SLC22A23: variants seen among roughly 807,000 people sequenced by gnomAD.
SLC22A23 encodes ion transporter protein.
SLC22A23 carries 26 observed loss-of-function variants against 61.0 expected under a neutral mutation model. That is an observed-to-expected ratio of 0.43 (90% CI 0.31 to 0.59). The LOEUF is 0.59. Among genes scored for constraint, SLC22A23 ranks in the 20% least tolerant of loss-of-function variants. The probability of loss-of-function intolerance (pLI) is 0.11; values close to 1 mark genes in which losing one functional copy is unlikely to be tolerated. For missense variants in SLC22A23, 796 were observed against 934.7 expected, an observed-to-expected ratio of 0.85 and a Z score of 1.94; for synonymous variants, 430 against 413.9, an observed-to-expected ratio of 1.04 and a Z score of -0.47.
chr6:3,446,291 T>C (rs973785133), intron 1 of SLC22A23, among the ~76,000 whole-genome samples: 1 of 152,162 alleles, frequency 6.6e-6, no homozygotes, highest in African/African-American at 2.4e-5. Flanking sequence ...GTTGGTGGCT[T>C]TGGACAAGCC....
chr6:3,419,934 G>C (rs755417040), intron 1 of SLC22A23, among the ~76,000 whole-genome samples: 1 of 152,140 alleles, frequency 6.6e-6, no homozygotes, highest in Admixed American at 6.5e-5. Context: ...TAATACAAGA[G>C]TCTCTCTGCA....
At position 3,427,608 on chromosome 6, in the gene SLC22A23, C is replaced by T. The variant is rs116384263; in HGVS notation, c.655-11753G>A. Among the ~76,000 whole-genome samples the T allele has an allele frequency of 1.0e-3, 156 of 152,222 alleles. No homozygotes were observed. The highest frequency in any genetic ancestry group is 1.8e-3 in the Non-Finnish European group (119 of 68,000). The stretch of plus-strand genomic sequence containing the variant: ...TCTACCGTGCTTTCAGGTCCTCCCA[C>T]CACCTCTCAGGATGCCGTGCCCTTC... On this transcript the variant is annotated intron_variant, in intron 1 of 9. Transcript: ENST00000406686. This position sits in a 1 kb window ranked among gnomAD's most constrained non-coding sequence, Gnocchi z 4.3.
At chr6:3,438,819 T>C (rs879920121) in intron 1 of SLC22A23, among the ~76,000 whole-genome samples, 3 of 152,228 alleles carry the variant, frequency 2.0e-5, no homozygotes, top group Non-Finnish European at 4.4e-5. Context: ...CTGAGCTTTG[T>C]TTATTCCATA....
intron 4 of SLC22A23, chr6:3,323,246 C>T (rs1193161800): frequency 4.4e-6 from 2 of 456,368 alleles, no homozygotes; most frequent in Non-Finnish European, 4.4e-6. Context: ...TAAATATTTT[C>T]AGCTTTATAC....
chr6:3,422,036 G>A (rs892290150), intron 1 of SLC22A23, among the ~76,000 whole-genome samples: 11 of 152,256 alleles, frequency 7.2e-5, no homozygotes, highest in Admixed American at 4.6e-4. Context: ...AGCAAACCAC[G>A]AGGGTTTTAC....
In SLC22A23 at chr6:3,446,832, C is replaced by G. The variant is rs117912484; in HGVS notation, c.654+9074G>C. Among the ~76,000 whole-genome samples the G allele has an allele frequency of 5.3e-3, 811 of 152,326 alleles. 28 individuals carry two copies. In the East Asian group the frequency reaches 0.073, roughly 14 times the overall value. On this transcript the variant is annotated intron_variant, in intron 1 of 9. Transcript: ENST00000406686. ...CCAGGCCCTCGTCTCACTCCACATG[C>G]CCTCCATTGAAGCCCTCCATTCCCA...
rs10642564 is a variant in SLC22A23, at chr6:3,279,509, C to CAAA, written c.1703+4340_1703+4342dup. On this transcript the variant is annotated intron_variant, in intron 9 of 9. Transcript: ENST00000406686. ...CTGGCAACAGAGCAAGGCTCCGTCT[C>CAAA]AAAAAAAAAAAAAAAAAAAAAAAAA... Among the ~76,000 whole-genome samples, 161 of 36,010 alleles carry CAAA rather than the reference C, an allele frequency of 4.5e-3. 17 individuals are homozygous for CAAA. The highest frequency in any genetic ancestry group is 7.7e-3 in the African/African-American group (105 of 13,638). The allele number at this position is 36,010 out of a possible 152,430, so 23.6% of individuals were successfully genotyped here.
chr6:3,269,085 C>T lies in SLC22A23; in HGVS notation c.*3970G>A, dbSNP rs1414615057. On this transcript the variant is annotated 3_prime_UTR_variant, in exon 10 of 10. Coordinates refer to ENST00000406686, the MANE Select transcript of SLC22A23 (RefSeq NM_015482.2). ...TCACAGAATCACAGTGTAAGATATT[C>T]ATTTCTTGACGTCTCTAGGAACCTT... 1 of 152,316 alleles carries T rather than the reference C, an allele frequency of 6.6e-6. No individual in the cohort carries two copies. The highest frequency in any genetic ancestry group is 1.5e-5 in the Non-Finnish European group (1 of 68,034). The allele number at this position is 152,316 out of a possible 1,614,324, so 9.4% of individuals were successfully genotyped here. A position where few individuals can be genotyped will look rare whatever the true frequency, so the allele number is the denominator to read the frequency against.
intron 1 of SLC22A23, among the ~76,000 whole-genome samples, chr6:3,432,549 T>A (rs1770936771): frequency 6.6e-6 from 1 of 152,172 alleles, no homozygotes; most frequent in Non-Finnish European, 1.5e-5. Flanking sequence ...AAATGCATCA[T>A]TTATGCAGAA....
rs1401544929 is a variant in SLC22A23 at position 3,390,043 on chromosome 6, T to C, written c.913+20145A>G. ...TTGCATTTCAAAAAAAGGCCTGGTT[T>C]GGGATGAAATGAACAGAGTTCTCCT... On this transcript the variant is annotated intron_variant, in intron 3 of 9. Transcript: ENST00000406686. The surrounding 1 kb of genome is among the most constrained non-coding windows in gnomAD (Gnocchi z 4.0). 3.3e-5 allele frequency among the ~76,000 whole-genome samples: 5 copies of C among 152,162 alleles called. No individual in the cohort carries two copies. Among genetic ancestry groups the C allele is most frequent in the Non-Finnish European group, 7.4e-5 (5 of 68,020 alleles).
chr6:3,296,028 G>A (rs1331146345), intron 5 of SLC22A23, among the ~76,000 whole-genome samples: 1 of 152,240 alleles, frequency 6.6e-6, no homozygotes, highest in Admixed American at 6.5e-5. Flanking sequence ...ATGAATCAGT[G>A]TAATTAGGAT....
intron 4 of SLC22A23, among the ~76,000 whole-genome samples, chr6:3,319,077 A>C (rs938069285): frequency 2.6e-5 from 4 of 152,238 alleles, no homozygotes; most frequent in African/African-American, 9.6e-5. Flanking sequence ...CGAAGCAGAC[A>C]GATGGGTCCT....
In SLC22A23 at chr6:3,297,798, G is replaced by A. The variant is rs994546444; in HGVS notation, c.1210+293C>T. ...GACCTGGCAGGCAGGTAGGCTATGGGCCAGACAGCCAGATATTCCCTTGAG... is the reference window on the plus strand; with the variant it reads ...GACCTGGCAGGCAGGTAGGCTATGGACCAGACAGCCAGATATTCCCTTGAG... On this transcript the variant is annotated intron_variant, in intron 5 of 9. Transcript: ENST00000406686. The surrounding 1 kb of genome is among the most constrained non-coding windows in gnomAD (Gnocchi z 4.3). 1.3e-5 allele frequency among the ~76,000 whole-genome samples: 2 copies of A among 152,190 alleles called. No individual in the cohort carries two copies. The highest frequency in any genetic ancestry group is 4.8e-5 in the African/African-American group (2 of 41,446).
chr6:3,397,860 G>T (rs752426777), intron 3 of SLC22A23, among the ~76,000 whole-genome samples: 1 of 152,130 alleles, frequency 6.6e-6, no homozygotes, highest in Non-Finnish European at 1.5e-5. Flanking sequence ...TTTCTAAAAA[G>T]AGGTAAGGGA....
chr6:3,300,400 C>A (rs775358992), intron 4 of SLC22A23, among the ~76,000 whole-genome samples: 5 of 152,106 alleles, frequency 3.3e-5, no homozygotes, highest in African/African-American at 4.8e-5. Flanking sequence ...GGAAACTAAA[C>A]CCCAATGTGA....
intron 3 of SLC22A23, among the ~76,000 whole-genome samples, chr6:3,381,672 T>C (rs559711766): frequency 1.3e-5 from 2 of 152,254 alleles, no homozygotes; most frequent in South Asian, 2.1e-4. Flanking sequence ...TTACCATCTG[T>C]GCGAGGGGGA....
chr6:3,279,239 G>C (rs1759193535), intron 9 of SLC22A23, among the ~76,000 whole-genome samples: 1 of 151,786 alleles, frequency 6.6e-6, no homozygotes, highest in Non-Finnish European at 1.5e-5. Flanking sequence ...GGCCGGGCAT[G>C]GTGGCTCATG....
chr6:3,441,422 C>T (rs1357474864), intron 1 of SLC22A23, among the ~76,000 whole-genome samples: 1 of 152,130 alleles, frequency 6.6e-6, no homozygotes, highest in Non-Finnish European at 1.5e-5. Context: ...TGTAGGGGGG[C>T]CTTGCAGGGT....
At position 3,455,939 on chromosome 6, in the gene SLC22A23, G is replaced by A. The variant is rs2127562385; in HGVS notation, c.621C>T (p.Ile207=). The change falls in exon 1 of 10, where the codon ATC becomes ATT. Residue 207 remains isoleucine, a synonymous_variant. Transcript: ENST00000406686. The part of the protein sequence containing the change: ...NCDCRAWDYG[I]RAGLVQNVVS... The stretch of plus-strand genomic sequence containing the variant: ...CCACGTTCTGGACGAGGCCGGCGCG[G>A]ATGCCGTAGTCCCATGCGCGGCAGT... 1 of 1,524,056 alleles carries A rather than the reference G, an allele frequency of 6.6e-7. No individual in the cohort carries two copies. Among genetic ancestry groups the A allele is most frequent in the Non-Finnish European group, 8.9e-7 (1 of 1,129,212 alleles). 94.4% of individuals were successfully genotyped at this position (1,524,056 alleles called of 1,614,324 possible).
Sources: gnomAD v4.1 joint callset for allele counts (sites outside exome capture counted in the v4.1 genomes callset) on GRCh38, gnomAD v4.1.1 for gene constraint, Gnocchi (gnomAD v3.1) non-coding constraint, MANE v1.5 for transcripts, NCBI Gene and HGNC (gene_info 2026-07-23, HGNC 2026-07-21) for gene names.